The following RAD50 variants were observed in gnomAD, a reference collection of about 807,000 sequenced individuals.
The protein encoded by RAD50 is DNA repair protein RAD50.
Under a neutral mutation model 168.8 loss-of-function variants are expected in RAD50, and 132 were observed. That is an observed-to-expected ratio of 0.78 (90% CI 0.68 to 0.90). The LOEUF is 0.90. Among genes scored for constraint, RAD50 ranks in the 40% least tolerant of loss-of-function variants. The probability of loss-of-function intolerance (pLI) is 0.00; values close to 1 mark genes in which losing one functional copy is unlikely to be tolerated. For synonymous variants in RAD50, 525 were observed against 497.4 expected, an observed-to-expected ratio of 1.06 and a Z score of -0.74; for missense variants, 1,347 against 1,534.4, an observed-to-expected ratio of 0.88 and a Z score of 2.04.
chr5:132,636,516 G>A (rs1357036546), intron 21 of RAD50, among the ~76,000 whole-genome samples: 1 of 152,100 alleles, frequency 6.6e-6, no homozygotes, highest in Non-Finnish European at 1.5e-5. Flanking sequence ...AATCATTCTC[G>A]CTGAACCAAA....
intron 3 of RAD50, among the ~76,000 whole-genome samples, chr5:132,577,417 A>G (rs192862317): frequency 6.6e-6 from 1 of 152,364 alleles, no homozygotes; most frequent in Non-Finnish European, 1.5e-5. Flanking sequence ...TTGCTGTGCA[A>G]TGTAACATTC....
chr5:132,566,913 A>C (rs554262329), intron 2 of RAD50, among the ~76,000 whole-genome samples: 1 of 152,086 alleles, frequency 6.6e-6, no homozygotes, highest in Non-Finnish European at 1.5e-5. Context: ...CCTTTAGACT[A>C]CCTTCCCTGA....
intron 21 of RAD50, among the ~76,000 whole-genome samples, chr5:132,619,491 C>T (rs1160540815): frequency 6.6e-6 from 1 of 152,128 alleles, no homozygotes; most frequent in Non-Finnish European, 1.5e-5. Context: ...CCTCAAACTC[C>T]TGGGCTCAGG....
chr5:132,594,085 G>A (rs942429077), intron 11 of RAD50, among the ~76,000 whole-genome samples: 4 of 152,154 alleles, frequency 2.6e-5, no homozygotes, highest in Non-Finnish European at 5.9e-5. Flanking sequence ...CATCATATTA[G>A]TTACTTTTTT....
intron 2 of RAD50, among the ~76,000 whole-genome samples, chr5:132,571,876 C>G (rs1261358118): frequency 6.6e-6 from 1 of 152,112 alleles, no homozygotes; most frequent in Non-Finnish European, 1.5e-5. Flanking sequence ...GGAAATATTA[C>G]CCAAATTTTG....
intron 21 of RAD50, among the ~76,000 whole-genome samples, chr5:132,624,331 G>T (rs1045179822): frequency 8.5e-5 from 13 of 152,244 alleles, no homozygotes; most frequent in African/African-American, 3.1e-4. Context: ...CAAAACTTAA[G>T]GAATTCTTGC....
intron 23 of RAD50, among the ~76,000 whole-genome samples, chr5:132,639,329 G>A (rs1751665105): frequency 1.4e-5 from 2 of 139,980 alleles, no homozygotes; most frequent in Admixed American, 7.3e-5. Flanking sequence ...CTCCAGCCCA[G>A]GCAACAAGAG....
chr5:132,568,277 G>A (rs1374306836), intron 2 of RAD50, among the ~76,000 whole-genome samples: 1 of 151,894 alleles, frequency 6.6e-6, no homozygotes, highest in Non-Finnish European at 1.5e-5. Context: ...TAGAGACGGG[G>A]TTTCACCATA....
intron 16 of RAD50, 23 bp from the exon 17 acceptor site, chr5:132,608,592 C>T (rs1751026039): frequency 2.7e-6 from 4 of 1,508,298 alleles, no homozygotes; most frequent in Non-Finnish European, 3.6e-6. Context: ...TTATATAATA[C>T]TTTATCTTTT....
chr5:132,638,621 C>T (rs1434380999), intron 23 of RAD50, among the ~76,000 whole-genome samples: 2 of 152,138 alleles, frequency 1.3e-5, no homozygotes, highest in Non-Finnish European at 2.9e-5. Context: ...GAATCAATGA[C>T]ATAATAGTAT....
chr5:132,561,278 T>G lies in RAD50; in HGVS notation c.213+1911T>G, dbSNP rs547644823. ...GGCATGATCTTGGCTTACTGCAACC[T>G]CTGTCTCTCAGGTTCAAGCTATTCT... is the stretch of plus-strand genomic sequence containing the variant. On this transcript the variant is annotated intron_variant, in intron 2 of 24. Coordinates refer to ENST00000378823, the MANE Select transcript of RAD50 (RefSeq NM_005732.4). 1.2e-3 allele frequency among the ~76,000 whole-genome samples: 180 copies of G among 152,276 alleles called. 1 individual carries two copies. The highest frequency in any genetic ancestry group is 4.2e-3 in the African/African-American group (173 of 41,554).
At position 132,642,173 on chromosome 5, in the gene RAD50, T is replaced by A. The variant is rs1581024884; in HGVS notation, c.3753-5T>A. 1 of 1,612,728 alleles carries A rather than the reference T, an allele frequency of 6.2e-7. No homozygotes were observed. Among genetic ancestry groups the A allele is most frequent in the African/African-American group, 1.3e-5 (1 of 75,020 alleles). ...TAATAATATGTTCTGAATATATTGT[T>A]GCAGGATAATAAAAAGTCGCTCACA... On this transcript the variant is annotated splice_region_variant and splice_polypyrimidine_tract_variant and intron_variant, in intron 24 of 24. Transcript: ENST00000378823.
intron 19 of RAD50, among the ~76,000 whole-genome samples, chr5:132,614,262 A>G (rs999121673): frequency 1.3e-5 from 2 of 152,220 alleles, no homozygotes; most frequent in African/African-American, 2.4e-5. Context: ...GTTCTGGGGT[A>G]TTAGATGAAA....
intron 2 of RAD50, among the ~76,000 whole-genome samples, chr5:132,562,155 A>G (rs141214972): frequency 6.6e-6 from 1 of 152,322 alleles, no homozygotes; most frequent in African/African-American, 2.4e-5. Flanking sequence ...ATGGTAGAAA[A>G]TAAAGTTAGA....
chr5:132,605,064 T>G (rs1581002326), intron 16 of RAD50, 65 bp downstream of exon 16: 1 of 1,278,156 alleles, frequency 7.8e-7, no homozygotes, highest in East Asian at 2.8e-5. Flanking sequence ...TTTTATTTTT[T>G]GAGACAGTCT....
At chr5:132,588,986 G>A in intron 8 of RAD50, 106 bp downstream of exon 8, 1 of 1,235,732 alleles carries the variant, frequency 8.1e-7, no homozygotes, top group African/African-American at 1.5e-5. Flanking sequence ...TTTTCTATTA[G>A]TGTTAGGATA....
At chr5:132,584,989 A>C (rs1244893060) in intron 5 of RAD50, among the ~76,000 whole-genome samples, 1 of 151,532 alleles carries the variant, frequency 6.6e-6, no homozygotes, top group Non-Finnish European at 1.5e-5. Context: ...TAGGAGATAC[A>C]CCTAATGTAA....
intron 19 of RAD50, among the ~76,000 whole-genome samples, chr5:132,610,724 T>C (rs547655425): frequency 6.6e-5 from 10 of 152,150 alleles, no homozygotes; most frequent in Non-Finnish European, 1.3e-4. Context: ...ACTGTATAAA[T>C]TTATGATGCA....
chr5:132,562,198 G>C (rs909471913), intron 2 of RAD50, among the ~76,000 whole-genome samples: 6 of 152,130 alleles, frequency 3.9e-5, no homozygotes, highest in African/African-American at 1.4e-4. Context: ...GTAGGTCCTT[G>C]GATTCTAGTC....
Sources: allele counts gnomAD v4.1 joint callset (sites outside exome capture counted in the v4.1 genomes callset), GRCh38; gene constraint gnomAD v4.1.1; transcripts MANE v1.5; gene names NCBI Gene and HGNC (gene_info 2026-07-23, HGNC 2026-07-21).